Variants in BLTP1 observed in about 807,000 individuals in gnomAD.
BLTP1 encodes the protein fragile site-associated protein.
chr4:122,325,949 T>A, the BLTP1 span: 1 of 664,066 alleles, frequency 1.5e-6, no homozygotes, highest in Non-Finnish European at 2.2e-6. Context: ...AATTTTGCTT[T>A]AAAACTAATC....
chr4:122,220,514 T>G, the BLTP1 span: 8 of 1,478,890 alleles, frequency 5.4e-6, no homozygotes, highest in African/African-American at 1.1e-4. Context: ...AGATTTATTA[T>G]TAATATTTAT....
the BLTP1 span, chr4:122,208,039 C>G: frequency 1.2e-5 from 12 of 985,056 alleles, no homozygotes; most frequent in Admixed American, 3.1e-4. Flanking sequence ...AATGCCAGCT[C>G]TTATGTACTT....
the BLTP1 span, among the ~76,000 whole-genome samples, chr4:122,354,918 G>A: frequency 6.6e-6 from 1 of 152,038 alleles, no homozygotes; most frequent in Non-Finnish European, 1.5e-5. Flanking sequence ...ACCCGCCTCA[G>A]CCTCCCAAAG....
the BLTP1 span, among the ~76,000 whole-genome samples, chr4:122,223,625 C>T: frequency 6.6e-6 from 1 of 152,144 alleles, no homozygotes. Context: ...ATTTAATGGT[C>T]TGGAGGCAAG....
At chr4:122,292,927 C>A in the BLTP1 span, 2 of 289,936 alleles carry the variant, frequency 6.9e-6, no homozygotes, top group South Asian at 1.3e-4. Context: ...TGGAAAGGAG[C>A]CTCAAGGAAC....
At chr4:122,354,052 G>GT in the BLTP1 span, 44 of 1,588,374 alleles carry the variant, frequency 2.8e-5, no homozygotes, top group Non-Finnish European at 3.8e-5. Flanking sequence ...GATTTATTTT[G>GT]TTTTTTCCAT....
At chr4:122,313,861 TTATA>T in the BLTP1 span, 2 of 169,190 alleles carry the variant, frequency 1.2e-5, no homozygotes, top group Non-Finnish European at 1.2e-5. Context: ...TACTGTGTGT[TTATA>T]TATATATATA....
At chr4:122,193,624 T>A in the BLTP1 span, 1 of 759,968 alleles carries the variant, frequency 1.3e-6, no homozygotes, top group Non-Finnish European at 1.6e-6. Flanking sequence ...ATCTAAGTTT[T>A]TATGTACAAA....
the BLTP1 span, chr4:122,258,797 A>G: frequency 6.2e-7 from 1 of 1,613,958 alleles, no homozygotes; most frequent in Non-Finnish European, 8.5e-7. Context: ...ATAATGAGGA[A>G]ACTTTCTAAA....
the BLTP1 span, chr4:122,214,105 G>C: frequency 4.4e-5 from 25 of 566,304 alleles, no homozygotes; most frequent in Admixed American, 6.4e-5. Context: ...AGTACTTGTG[G>C]ACTTTTCCTA....
chr4:122,287,626 A>G, the BLTP1 span: 1 of 985,048 alleles, frequency 1.0e-6, no homozygotes, highest in Non-Finnish European at 1.2e-6. Flanking sequence ...TTTGTTCTCC[A>G]TAACCTGAAG....
chr4:122,274,520 G>T, the BLTP1 span: 1 of 1,526,498 alleles, frequency 6.6e-7, no homozygotes, highest in Non-Finnish European at 8.7e-7. Flanking sequence ...TGAATTTTGA[G>T]GTTTGTATAT....
At chr4:122,266,837 C>T in the BLTP1 span, 5 of 1,609,338 alleles carry the variant, frequency 3.1e-6, no homozygotes, top group Non-Finnish European at 4.2e-6. Context: ...GGATACAATG[C>T]CATTCTGCTA....
At chr4:122,347,893 A>C in the BLTP1 span, 1 of 619,382 alleles carries the variant, frequency 1.6e-6, no homozygotes, top group Non-Finnish European at 2.5e-6. Flanking sequence ...GGTTTTTATG[A>C]CACGTCAAAA....
the BLTP1 span, chr4:122,171,775 G>C: frequency 1.0e-6 from 1 of 977,824 alleles, no homozygotes; most frequent in Non-Finnish European, 1.2e-6. Flanking sequence ...ACTTTTTCCT[G>C]TTATAAACAC....
At chr4:122,303,492 T>C in the BLTP1 span, among the ~76,000 whole-genome samples, 1 of 152,230 alleles carries the variant, frequency 6.6e-6, no homozygotes, top group African/African-American at 2.4e-5. Context: ...AAGAAATACA[T>C]TTTGTAAGGC....
the BLTP1 span, chr4:122,336,831 A>G: frequency 6.5e-7 from 1 of 1,537,740 alleles, no homozygotes; most frequent in Non-Finnish European, 8.8e-7. Context: ...CTTTTAATAA[A>G]TAGTTTGCCT....
the BLTP1 span, among the ~76,000 whole-genome samples, chr4:122,252,839 C>T: frequency 6.6e-6 from 1 of 152,068 alleles, no homozygotes; most frequent in Non-Finnish European, 1.5e-5. Flanking sequence ...TACAGGGGGC[C>T]CTGGGTGAGA....
chr4:122,293,377 A>G, the BLTP1 span, among the ~76,000 whole-genome samples: 224 of 152,318 alleles, frequency 1.5e-3, no homozygotes, highest in African/African-American at 5.1e-3. Context: ...ACGGAGGGCA[A>G]GGAAAAGCAG....
Sources: allele counts gnomAD v4.1 joint callset (sites outside exome capture counted in the v4.1 genomes callset), GRCh38; gene constraint gnomAD v4.1.1; transcripts MANE v1.5; gene names NCBI Gene and HGNC (gene_info 2026-07-23, HGNC 2026-07-21).